Variants in HIBADH observed in about 807,000 individuals in gnomAD.
HIBADH encodes 3-hydroxyisobutyrate dehydrogenase, mitochondrial.
A neutral mutation model predicts 36.1 loss-of-function variants in HIBADH; 25 were observed. The observed-to-expected ratio is 0.69, with a 90% CI of 0.50 to 0.97. The LOEUF (loss-of-function observed/expected upper bound fraction) is 0.97. HIBADH is among the 50% of genes least tolerant of loss of function. The pLI is 0.00. For synonymous variants in HIBADH, 160 were observed against 149.5 expected, an observed-to-expected ratio of 1.07 and a Z score of -0.51; for missense variants, 421 against 418.0, an observed-to-expected ratio of 1.01 and a Z score of -0.06.
chr7:27,566,245 T>G (rs1255420162), intron 4 of HIBADH, among the ~76,000 whole-genome samples: 1 of 152,106 alleles, frequency 6.6e-6, no homozygotes. Flanking sequence ...TTTCTTTAAA[T>G]AAGAAGAAAT....
intron 4 of HIBADH, among the ~76,000 whole-genome samples, chr7:27,608,777 GGGCTCAGTA>G (rs1785275466): frequency 6.6e-6 from 1 of 152,162 alleles, no homozygotes; most frequent in Non-Finnish European, 1.5e-5. Context: ...TATATAAACA[GGGCTCAGTA>G]GTCCTAAACT....
rs971633920 is a variant in HIBADH, at chr7:27,660,370, A to C, written c.91+2328T>G. On this transcript the variant is annotated intron_variant, in intron 1 of 7. Transcript: ENST00000265395. ...AACAGAAATTTAAATGTTTAAAACAATTCCAAAGAAAGGCCGGGCACAGTG... is the reference window on the plus strand; with the variant it reads ...AACAGAAATTTAAATGTTTAAAACACTTCCAAAGAAAGGCCGGGCACAGTG... Among the ~76,000 whole-genome samples, 3 of 152,162 alleles carry C rather than the reference A, an allele frequency of 2.0e-5. No homozygotes were observed. In the East Asian group the frequency reaches 5.8e-4, roughly 29 times the overall value.
Position 27,629,435 on chromosome 7 carries a change from T to C in HIBADH, c.420A>G (p.Ser140=), listed in dbSNP as rs771931131. 2.9e-5 allele frequency: 47 copies of C among 1,611,560 alleles called. No individual in the cohort carries two copies. Among genetic ancestry groups the C allele is most frequent in the Non-Finnish European group, 3.8e-5 (45 of 1,178,472 alleles). Residue 140 remains serine, a synonymous_variant, in exon 4 of 8, where the codon TCA becomes TCG. Coordinates refer to ENST00000265395, the MANE Select transcript of HIBADH (RefSeq NM_152740.4). ...TCTCAACTTCTTTGGCCAATTCTTT[T>C]GAAACTGCAGGATCAATAGTGCTGG... ...IDSSTIDPAV[S]KELAKEVEKM... is the part of the protein sequence containing the mutation.
At chr7:27,558,457 A>T (rs1784424324) in intron 4 of HIBADH, among the ~76,000 whole-genome samples, 1 of 152,088 alleles carries the variant, frequency 6.6e-6, no homozygotes, top group Non-Finnish European at 1.5e-5. Context: ...CCTCCCAAAT[A>T]GCTGGGACCA....
intron 4 of HIBADH, among the ~76,000 whole-genome samples, chr7:27,594,953 A>C (rs974156005): frequency 2.6e-5 from 4 of 152,194 alleles, no homozygotes; most frequent in African/African-American, 9.7e-5. Flanking sequence ...AGGAATAAAA[A>C]ATTTAAGTTT....
chr7:27,626,501 GTGGGTCT>G (rs896537546), intron 4 of HIBADH, among the ~76,000 whole-genome samples: 1 of 152,124 alleles, frequency 6.6e-6, no homozygotes, highest in African/African-American at 2.4e-5. Flanking sequence ...CCATTACACA[GTGGGTCT>G]AATAAGTATC....
intron 5 of HIBADH, among the ~76,000 whole-genome samples, chr7:27,539,677 G>C (rs894459326): frequency 3.3e-5 from 5 of 152,058 alleles, no homozygotes; most frequent in African/African-American, 1.2e-4. Flanking sequence ...ATGATGAGGG[G>C]GTTAGGGGTG....
chr7:27,531,105 T>C (rs377269397), intron 7 of HIBADH, 87 bp downstream of exon 7: 2 of 1,344,230 alleles, frequency 1.5e-6, no homozygotes, highest in Non-Finnish European at 1.0e-6. Context: ...ACCTGAGACA[T>C]ATGCTTTATT....
intron 7 of HIBADH, 49 bp downstream of exon 7, chr7:27,531,143 G>T: frequency 6.6e-7 from 1 of 1,521,410 alleles, no homozygotes; most frequent in Middle Eastern, 1.8e-4. Flanking sequence ...GGTGTTATTG[G>T]ACCGTGAAAC....
intron 4 of HIBADH, among the ~76,000 whole-genome samples, chr7:27,601,720 G>C (rs892246330): frequency 5.3e-5 from 8 of 152,026 alleles, no homozygotes; most frequent in Admixed American, 3.9e-4. Context: ...ATTGCTAAAA[G>C]ACCTATGAAG....
At chr7:27,638,308 CAAAAAAA>C (rs368715218) in intron 2 of HIBADH, among the ~76,000 whole-genome samples, 1 of 55,466 alleles carries the variant, frequency 1.8e-5, no homozygotes, top group Non-Finnish European at 3.2e-5. Context: ...TTGGCAAAGT[CAAAAAAA>C]AAAAAAAAAA....
chr7:27,549,372 C>T (rs1784281675), intron 4 of HIBADH, among the ~76,000 whole-genome samples: 1 of 151,940 alleles, frequency 6.6e-6, no homozygotes, highest in South Asian at 2.1e-4. Context: ...GTTGTACATG[C>T]TAAATATATA....
rs192842008 is a variant in HIBADH at position 27,650,962 on chromosome 7, G to A, written c.92-1329C>T. Among the ~76,000 whole-genome samples the A allele has an allele frequency of 1.2e-3, 186 of 152,242 alleles. 2 individuals carry two copies. In the Middle Eastern group the frequency reaches 0.024, roughly 19 times the overall value. ...GAGCTCAGAGACAGACACAAGCAAC[G>A]TATGGTCCCTGTCCTTTAAAAGCTC... On this transcript the variant is annotated intron_variant, in intron 1 of 7. Transcript: ENST00000265395.
intron 4 of HIBADH, among the ~76,000 whole-genome samples, chr7:27,588,166 C>G (rs576865559): frequency 3.3e-5 from 5 of 152,206 alleles, no homozygotes; most frequent in Non-Finnish European, 5.9e-5. Context: ...TGGCCAGGCA[C>G]AAGTCAAATG....
chr7:27,559,652 C>CA (rs1021147079), intron 4 of HIBADH, among the ~76,000 whole-genome samples: 1 of 151,848 alleles, frequency 6.6e-6, no homozygotes, highest in Non-Finnish European at 1.5e-5. Flanking sequence ...ACAACAATAA[C>CA]AAAAAAACCC....
chr7:27,534,984 T>C lies in HIBADH; in HGVS notation c.695+3357A>G, dbSNP rs140887687. On this transcript the variant is annotated intron_variant, in intron 6 of 7. Transcript: ENST00000265395. ...CAGCTTGAATGCAGACCTACATGTATGCCCAAATGCCATCGTACTGGCTAG... is the reference window on the plus strand; with the variant it reads ...CAGCTTGAATGCAGACCTACATGTACGCCCAAATGCCATCGTACTGGCTAG... Among the ~76,000 whole-genome samples, 754 of 149,164 alleles carry C rather than the reference T, an allele frequency of 5.1e-3. 15 individuals carry two copies. The highest frequency in any genetic ancestry group is 0.017 in the East Asian group (84 of 4,832).
chr7:27,582,512 A>G (rs556186634), intron 4 of HIBADH, among the ~76,000 whole-genome samples: 1 of 152,202 alleles, frequency 6.6e-6, no homozygotes, highest in East Asian at 1.9e-4. Context: ...TATGAACAGG[A>G]ACCTAATTTC....
At chr7:27,570,050 CAT>C (rs1299030243) in intron 4 of HIBADH, among the ~76,000 whole-genome samples, 1 of 152,228 alleles carries the variant, frequency 6.6e-6, no homozygotes, top group Admixed American at 6.5e-5. Flanking sequence ...TCCTAGGATT[CAT>C]GCTGTCTTTG....
intron 1 of HIBADH, among the ~76,000 whole-genome samples, chr7:27,655,893 C>T (rs1192932815): frequency 6.6e-6 from 1 of 152,074 alleles, no homozygotes; most frequent in African/African-American, 2.4e-5. Flanking sequence ...CTGATGAAAA[C>T]ATATGCTCTC....
Sources: allele counts gnomAD v4.1 joint callset (sites outside exome capture counted in the v4.1 genomes callset), GRCh38; gene constraint gnomAD v4.1.1; transcripts MANE v1.5; gene names NCBI Gene and HGNC (gene_info 2026-07-23, HGNC 2026-07-21).